ZNF521: variants seen among roughly 807,000 people sequenced by gnomAD.
ZNF521 encodes the protein LYST-interacting protein 3.
In ZNF521, 14 loss-of-function variants were observed where a neutral mutation model predicts 105.5. The observed-to-expected ratio is 0.13, with a 90% CI of 0.09 to 0.21. The LOEUF is 0.21. ZNF521 is among the 10% of genes least tolerant of loss of function. ZNF521 has a pLI of 1.00. For missense variants in ZNF521, 1,233 were observed against 1,629.7 expected, an observed-to-expected ratio of 0.76 and a Z score of 4.19; for synonymous variants, 635 against 606.0, an observed-to-expected ratio of 1.05 and a Z score of -0.70.
chr18:25,092,310 G>T (rs1020182348), intron 5 of ZNF521, among the ~76,000 whole-genome samples: 13 of 151,982 alleles, frequency 8.6e-5, no homozygotes, highest in African/African-American at 2.9e-4. Context: ...TTATCTTAAG[G>T]CTAATGCATT....
At chr18:25,169,721 G>T (rs936083820) in intron 5 of ZNF521, among the ~76,000 whole-genome samples, 2 of 152,068 alleles carry the variant, frequency 1.3e-5, no homozygotes, top group South Asian at 2.1e-4. Flanking sequence ...TTGCTTCTAG[G>T]ATACTGAAAT....
intron 3 of ZNF521, chr18:25,273,678 T>C (rs1431975061): frequency 6.6e-6 from 1 of 152,156 alleles, no homozygotes; most frequent in East Asian, 1.9e-4. Flanking sequence ...GCATAGAGAG[T>C]ACTATGTAAA....
In ZNF521 at chr18:25,226,748, G is replaced by A. The variant is rs768436567; in HGVS notation, c.1170C>T (p.Thr390=). 1.9e-6 allele frequency: 3 copies of A among 1,614,140 alleles called. No homozygotes were observed. Among genetic ancestry groups the A allele is most frequent in the Non-Finnish European group, 2.5e-6 (3 of 1,180,020 alleles). ...SRGRKRAAQQ[T]PDMTGPSSKQ... ...TACTCGAGGGACCAGTCATGTCAGG[G>A]GTTTGTTGAGCGGCCCTCTTCCTCC... Residue 390 remains threonine (T), a synonymous_variant, in exon 4 of 8, where the codon ACC becomes ACT. Transcript: ENST00000361524. This position sits in a 1 kb window ranked among gnomAD's most constrained non-coding sequence, Gnocchi z 4.1.
intron 1 of ZNF521, 155 bp downstream of exon 1, chr18:25,351,850 G>C (rs1461979881): frequency 5.2e-6 from 1 of 191,326 alleles, no homozygotes; most frequent in Admixed American, 6.2e-5. Context: ...GCTGGACCGG[G>C]GCTCTAAAGT....
At chr18:25,117,957 G>C (rs892336966) in intron 5 of ZNF521, among the ~76,000 whole-genome samples, 1 of 151,836 alleles carries the variant, frequency 6.6e-6, no homozygotes, top group African/African-American at 2.4e-5. Context: ...TAGTTCAAAA[G>C]CAATACAAAG....
intron 2 of ZNF521, among the ~76,000 whole-genome samples, chr18:25,339,356 GA>G (rs1295687774): frequency 6.6e-6 from 1 of 152,130 alleles, no homozygotes; most frequent in Non-Finnish European, 1.5e-5. Context: ...TCTTTCATTC[GA>G]AAACATATGA....
intron 3 of ZNF521, among the ~76,000 whole-genome samples, chr18:25,285,021 T>C (rs1211116825): frequency 6.6e-6 from 1 of 151,578 alleles, no homozygotes; most frequent in Non-Finnish European, 1.5e-5. Flanking sequence ...CCTGACTTTG[T>C]CTTTAAGGAC....
At chr18:25,340,244 A>G (rs1914120948) in intron 2 of ZNF521, among the ~76,000 whole-genome samples, 1 of 152,106 alleles carries the variant, frequency 6.6e-6, no homozygotes, top group Non-Finnish European at 1.5e-5. Flanking sequence ...ACTCTCAGCT[A>G]CTAGGGAGGC....
At chr18:25,112,739 C>T (rs548434639) in intron 5 of ZNF521, among the ~76,000 whole-genome samples, 1 of 152,260 alleles carries the variant, frequency 6.6e-6, no homozygotes, top group African/African-American at 2.4e-5. Context: ...TCTCTATTAA[C>T]AGCCTGTTCG....
At chr18:25,086,339 C>T (rs2033622079) in intron 7 of ZNF521, among the ~76,000 whole-genome samples, 1 of 152,018 alleles carries the variant, frequency 6.6e-6, no homozygotes, top group African/African-American at 2.4e-5. Context: ...TACATTAATT[C>T]CATCCTCTAA....
intron 4 of ZNF521, among the ~76,000 whole-genome samples, chr18:25,204,176 T>C (rs557613501): frequency 6.6e-6 from 1 of 152,326 alleles, no homozygotes; most frequent in African/African-American, 2.4e-5. Flanking sequence ...GTCTCAAGTA[T>C]TTCTTTATAG....
At chr18:25,166,275 T>C (rs1184868665) in intron 5 of ZNF521, among the ~76,000 whole-genome samples, 1 of 152,178 alleles carries the variant, frequency 6.6e-6, no homozygotes, top group Non-Finnish European at 1.5e-5. Context: ...TTCTCTACCC[T>C]TTGACTGTAG....
intron 4 of ZNF521, among the ~76,000 whole-genome samples, chr18:25,211,901 T>C (rs560153846): frequency 9.2e-5 from 14 of 152,364 alleles, no homozygotes; most frequent in African/African-American, 3.4e-4. Context: ...CAGTAGAGAT[T>C]CAATTTTATT....
chr18:25,250,411 T>C (rs1908032426), intron 3 of ZNF521, among the ~76,000 whole-genome samples: 1 of 152,228 alleles, frequency 6.6e-6, no homozygotes, highest in African/African-American at 2.4e-5. Context: ...GTGGAATAGA[T>C]CTGAAGTAAG....
At chr18:25,070,964 G>A (rs1333273277) in intron 7 of ZNF521, among the ~76,000 whole-genome samples, 2 of 152,150 alleles carry the variant, frequency 1.3e-5, no homozygotes, top group African/African-American at 4.8e-5. Flanking sequence ...CTGTAATGAG[G>A]AGGTCTTGTT....
At chr18:25,350,636 CTCTTT>C (rs1393296772) in intron 2 of ZNF521, among the ~76,000 whole-genome samples, 2 of 151,466 alleles carry the variant, frequency 1.3e-5, no homozygotes, top group African/African-American at 4.8e-5. Flanking sequence ...CTCTCTCTCT[CTCTTT>C]TTTTTTTTCG....
At chr18:25,343,079 A>T (rs577882510) in intron 2 of ZNF521, among the ~76,000 whole-genome samples, 3 of 152,358 alleles carry the variant, frequency 2.0e-5, no homozygotes, top group South Asian at 4.1e-4. Context: ...TACAGGTTTC[A>T]ACAAATGTAT....
intron 3 of ZNF521, among the ~76,000 whole-genome samples, chr18:25,266,256 G>A (rs533695978): frequency 1.3e-5 from 2 of 152,104 alleles, no homozygotes; most frequent in African/African-American, 2.4e-5. Flanking sequence ...TCTTCATGAT[G>A]TGCTTATTTC....
At position 25,225,600 on chromosome 18, in the gene ZNF521, T is replaced by A; in HGVS notation, c.2318A>T (p.His773Leu). ...TTTCCCTTGGTTTTCCAGGTGGTTG[T>A]GTTTCACATGGAGCTGCAAGTCAGT... Reference protein sequence around the residue: ...NETDLQLHVKHNHLENQGKVH... With the variant: ...NETDLQLHVKLNHLENQGKVH... The change falls in exon 4 of 8, where the codon CAC (histidine) becomes CTC (leucine). Residue 773 changes from histidine (H) to leucine (L), a missense_variant. Around this residue, in one of 6 missense-constraint regions of ZNF521, gnomAD observed 614 missense variants for 751.5 expected, o/e 0.82. Coordinates refer to ENST00000361524, the MANE Select transcript of ZNF521 (RefSeq NM_015461.3). The surrounding 1 kb of genome is among the most constrained non-coding windows in gnomAD (Gnocchi z 5.6). The A allele has an allele frequency of 6.2e-7, 1 of 1,614,198 alleles. No homozygotes were observed.
Sources: allele counts gnomAD v4.1 joint callset (sites outside exome capture counted in the v4.1 genomes callset), GRCh38; gene constraint gnomAD v4.1.1; regional missense constraint gnomAD v4.1.1; non-coding constraint Gnocchi (gnomAD v3.1); transcripts MANE v1.5; gene names NCBI Gene and HGNC (gene_info 2026-07-23, HGNC 2026-07-21).